Variants in KIF5A observed in about 807,000 individuals in gnomAD.
KIF5A encodes the protein kinesin family member 5A, also known as kinesin heavy chain isoform 5A.
A neutral mutation model predicts 141.3 loss-of-function variants in KIF5A; 35 were observed. That is an observed-to-expected ratio of 0.25 (90% CI 0.19 to 0.33). The LOEUF is 0.33. Ranked by LOEUF, KIF5A falls within the 10% of genes least tolerant of loss-of-function variation. The pLI is 1.00. For missense variants in KIF5A, 861 were observed against 1,314.3 expected (o/e 0.66, Z 5.33); for synonymous variants, 448 against 500.2 (o/e 0.90, Z 1.39).
At chr12:57,578,412 C>A in intron 23 of KIF5A, 70 bp downstream of exon 23, 1 of 1,031,732 alleles carries the variant, frequency 9.7e-7, no homozygotes, top group Non-Finnish European at 1.5e-6. Context: ...TCCTCAGAGG[C>A]CCCTTGGATT....
rs1331463458 is a variant in KIF5A at position 57,569,627 on chromosome 12, A to G, written c.1061A>G (p.Lys354Arg). 6.2e-7 allele frequency: 1 copy of G among 1,614,122 alleles called. No homozygotes were observed. Among genetic ancestry groups the G allele is most frequent in the Non-Finnish European group, 8.5e-7 (1 of 1,180,034 alleles). Reference protein sequence around the residue: ...KKYEKEKEKTKAQKETIAKLE... With the variant: ...KKYEKEKEKTRAQKETIAKLE... ...TATGAGAAGGAGAAGGAGAAGACAA[A>G]GGCCCAGAAGGAGACGATTGCGAAG... Residue 354 changes from lysine (K) to arginine (R), a missense_variant, in exon 11 of 29, where the codon AAG becomes AGG. Lys to Arg is a conservative substitution (Grantham distance 26). Transcript: ENST00000455537.
At chr12:57,582,017 T>C (rs1420087776) in intron 26 of KIF5A, 65 bp downstream of exon 26, 2 of 1,300,056 alleles carry the variant, frequency 1.5e-6, no homozygotes, top group Non-Finnish European at 2.2e-6. Context: ...GGCATAAAAG[T>C]AAGTGACCTT....
chr12:57,580,846 C>T, intron 23 of KIF5A, 110 bp from the exon 24 acceptor site: 1 of 966,372 alleles, frequency 1.0e-6, no homozygotes, highest in East Asian at 2.6e-5. Context: ...TCTCTGACTC[C>T]TGATTTTTCT....
In KIF5A at chr12:57,585,677, T is replaced by C. The variant is rs1347296062; in HGVS notation, c.*1496T>C. On this transcript the variant is annotated 3_prime_UTR_variant, in exon 29 of 29. Coordinates refer to ENST00000455537, the MANE Select transcript of KIF5A (RefSeq NM_004984.4). ...TTCTAAGTCAGGAAAGGAAGCTGAG[T>C]GGGAATGCCAGCTGGTAAGCGCAGG... 6.6e-6 allele frequency: 1 copy of C among 152,360 alleles called. No individual in the cohort carries two copies. The highest frequency in any genetic ancestry group is 2.4e-5 in the African/African-American group (1 of 41,424). The allele number at this position is 152,360 out of a possible 1,614,324, so 9.4% of individuals were successfully genotyped here.
intron 17 of KIF5A, 68 bp downstream of exon 17, chr12:57,575,825 C>A (rs1228927053): frequency 1.7e-6 from 2 of 1,144,116 alleles, no homozygotes; most frequent in Admixed American, 1.7e-5. Context: ...AAATAAATCA[C>A]CCCAATAATC....
At chr12:57,565,428 A>G (rs1188984401) in intron 6 of KIF5A, among the ~76,000 whole-genome samples, 1 of 151,956 alleles carries the variant, frequency 6.6e-6, no homozygotes, top group Non-Finnish European at 1.5e-5. Context: ...CTTTAAAAAA[A>G]AAGAAGAAAA....
At position 57,564,370 on chromosome 12, in the gene KIF5A, C is replaced by T. The variant is rs575219863; in HGVS notation, c.397-90C>T. ...TCTTCTGTTCTTTTCCTCCCACCAC[C>T]GTTTGAGCAGGTCACATTAGTATGG... On this transcript the variant is annotated intron_variant, in intron 4 of 28. Transcript: ENST00000455537. 34 of 1,132,912 alleles carry T rather than the reference C, an allele frequency of 3.0e-5. 3 individuals are homozygous for T. The East Asian group carries it at 7.3e-4, about 24-fold the overall frequency. 70.2% of individuals were successfully genotyped at this position (1,132,912 alleles called of 1,614,324 possible).
chr12:57,551,845 C>T (rs901582636), intron 1 of KIF5A, among the ~76,000 whole-genome samples: 5 of 151,710 alleles, frequency 3.3e-5, no homozygotes, highest in African/African-American at 1.2e-4. Flanking sequence ...CCCTTACCCA[C>T]ACTGTTAACT....
At chr12:57,583,643 T>A (rs1209649028) in intron 28 of KIF5A, among the ~76,000 whole-genome samples, 1 of 152,096 alleles carries the variant, frequency 6.6e-6, no homozygotes, top group Admixed American at 6.5e-5. Flanking sequence ...AACTAAGACA[T>A]CTCCAGTTAA....
intron 24 of KIF5A, 51 bp from the exon 25 acceptor site, chr12:57,581,364 G>A (rs1256262423): frequency 1.9e-6 from 3 of 1,609,794 alleles, no homozygotes; most frequent in Non-Finnish European, 2.5e-6. Flanking sequence ...AGGGACCAGG[G>A]CAAATGCAGG....
At chr12:57,551,457 T>C (rs1485031289) in intron 1 of KIF5A, among the ~76,000 whole-genome samples, 1 of 152,164 alleles carries the variant, frequency 6.6e-6, no homozygotes, top group Non-Finnish European at 1.5e-5. Context: ...TGCACCTTTA[T>C]CTGTAATGGC....
Position 57,567,200 on chromosome 12 carries a change from T to A in KIF5A, c.576T>A (p.His192Gln). 1 of 1,612,296 alleles carries A rather than the reference T, an allele frequency of 6.2e-7. No individual in the cohort carries two copies. Among genetic ancestry groups the A allele is most frequent in the Non-Finnish European group, 8.5e-7 (1 of 1,178,618 alleles). Residue 192 changes from histidine to glutamine, a missense_variant, in exon 7 of 29, where the codon CAT becomes CAA. Transcript: ENST00000455537. ...TTGATGAAGGGAAATCAAATCGTCA[T>A]GTGGCTGTCACCAGTGAGTGAGGAT... ...DVIDEGKSNR[H>Q]VAVTNMNEHS...
intron 3 of KIF5A, 107 bp downstream of exon 3, chr12:57,563,800 A>G (rs1270955247): frequency 4.9e-6 from 5 of 1,015,612 alleles, no homozygotes; most frequent in Non-Finnish European, 7.8e-6. Flanking sequence ...GTCCAGAGGC[A>G]GATAGATGAG....
chr12:57,583,022 A>C (rs1335804906), intron 27 of KIF5A, 79 bp from the exon 28 acceptor site: 1 of 1,175,800 alleles, frequency 8.5e-7, no homozygotes, highest in South Asian at 1.3e-5. Context: ...TCACAGGGAC[A>C]CTCTCAGAGC....
rs758214512 is a variant in KIF5A at position 57,577,678 on chromosome 12, G to A, written c.2301-35G>A. On this transcript the variant is annotated intron_variant, in intron 20 of 28. Coordinates refer to ENST00000455537, the MANE Select transcript of KIF5A (RefSeq NM_004984.4). The stretch of plus-strand genomic sequence containing the variant: ...AGGCAGGAGGAAGGAGAGTCCTGAG[G>A]GATCTTTCCATTTCCCTTATTTCTC... The A allele has an allele frequency of 3.2e-6, 5 of 1,549,288 alleles. No homozygotes were observed. In the South Asian group the frequency reaches 4.5e-5, roughly 14 times the overall value.
intron 21 of KIF5A, 36 bp downstream of exon 21, chr12:57,577,809 TG>T: frequency 6.6e-7 from 1 of 1,522,630 alleles, no homozygotes; most frequent in Non-Finnish European, 9.1e-7. Flanking sequence ...TTCACAGGAC[TG>T]GGGAGTGGGG....
At chr12:57,563,241 G>A (rs889488817) in intron 1 of KIF5A, among the ~76,000 whole-genome samples, 198 bp from the exon 2 acceptor site, 3 of 151,932 alleles carry the variant, frequency 2.0e-5, no homozygotes, top group Admixed American at 6.6e-5. Context: ...TCCTGACCTC[G>A]TGATCCGCCT....
chr12:57,571,545 G>C (rs1232396314), intron 13 of KIF5A, among the ~76,000 whole-genome samples, 156 bp downstream of exon 13: 2 of 151,952 alleles, frequency 1.3e-5, no homozygotes, highest in Non-Finnish European at 2.9e-5. Flanking sequence ...CCTCACTGGG[G>C]CTTTTCTTTT....
In KIF5A at chr12:57,578,012, C is replaced by T. The variant is rs781124099; in HGVS notation, c.2365C>T (p.Arg789Trp). The change falls in exon 22 of 29, where the codon CGG (arginine) becomes TGG (tryptophan). Residue 789 changes from arginine to tryptophan, a missense_variant. By Grantham distance (101) the Arg-to-Trp change is moderately radical. Around this residue, in one of 5 missense-constraint regions of KIF5A, gnomAD observed 482 missense variants for 661.3 expected, o/e 0.73. Coordinates refer to ENST00000455537, the MANE Select transcript of KIF5A (RefSeq NM_004984.4). The stretch of plus-strand genomic sequence containing the variant: ...AATTTTTCATCATTCTTTCCAGGCC[C>T]GGGAACTCCAGACCCTCCACAACCT... ...DLKGLEETVARELQTLHNLRK... is the reference protein window; with the variant it reads ...DLKGLEETVAWELQTLHNLRK... 9 of 1,613,792 alleles carry T rather than the reference C, an allele frequency of 5.6e-6. No individual in the cohort carries two copies. Among genetic ancestry groups the T allele is most frequent in the East Asian group, 2.2e-5 (1 of 44,904 alleles).
Sources: gnomAD v4.1 joint callset for allele counts (sites outside exome capture counted in the v4.1 genomes callset) on GRCh38, gnomAD v4.1.1 for gene constraint, gnomAD v4.1.1 regional missense constraint, MANE v1.5 for transcripts, NCBI Gene and HGNC (gene_info 2026-07-23, HGNC 2026-07-21) for gene names.